Variants in ITIH5 observed in about 807,000 individuals in gnomAD.
ITIH5 encodes the protein inter-alpha-trypsin inhibitor heavy chain H5.
ITIH5 carries 65 observed loss-of-function variants against 77.5 expected under a neutral mutation model. The ratio of observed to expected loss-of-function variants is 0.84; its 90% confidence interval spans 0.69 to 1.03. The LOEUF is 1.03. Ranked by LOEUF, ITIH5 falls within the 50% of genes least tolerant of loss-of-function variation. The pLI is 0.00. For synonymous variants in ITIH5, 525 were observed against 494.3 expected (o/e 1.06, Z -0.82); for missense variants, 1,208 against 1,213.1 (o/e 1.00, Z 0.06).
intron 5 of ITIH5, chr10:7,619,659 C>T (rs561490363): frequency 1.7e-5 from 5 of 298,688 alleles, no homozygotes; most frequent in South Asian, 5.5e-5. Context: ...GTCTACAAGG[C>T]GGCAGGAGCG....
intron 5 of ITIH5, among the ~76,000 whole-genome samples, chr10:7,628,819 A>ATGTTGTAGCATGTGTCCC (rs1564269001): frequency 9.4e-6 from 1 of 106,282 alleles, no homozygotes; most frequent in African/African-American, 3.9e-5. Flanking sequence ...GCATGTGTCC[A>ATGTTGTAGCATGTGTCCC]TGTTGTAGCG....
chr10:7,585,943 T>C lies in ITIH5; in HGVS notation c.1066A>G (p.Arg356Gly), dbSNP rs769526128. The C allele has an allele frequency of 1.1e-5, 17 of 1,614,070 alleles. No homozygotes were observed. The South Asian group carries it at 1.9e-4, about 18-fold the overall frequency. Residue 356 changes from arginine (R) to glycine (G), a missense_variant, in exon 8 of 14, where the codon AGG becomes GGG. By Grantham distance (125) the Arg-to-Gly change is moderately radical (BLOSUM62 -2). Coordinates refer to ENST00000397146, the MANE Select transcript of ITIH5 (RefSeq NM_030569.7). ...HLISVTPDSI[R>G]DGKVYIHHMS... The stretch of plus-strand genomic sequence containing the variant: ...TGGTGAATGTACACTTTCCCATCCC[T>C]GATGCTGTCTGGAGTGACTGATATC...
intron 7 of ITIH5, among the ~76,000 whole-genome samples, chr10:7,592,191 A>G (rs1164494312): frequency 1.3e-5 from 2 of 152,090 alleles, no homozygotes; most frequent in Non-Finnish European, 2.9e-5. Flanking sequence ...TTATTATTGT[A>G]TATTTATTAT....
chr10:7,599,855 T>C (rs560792050), intron 7 of ITIH5, among the ~76,000 whole-genome samples: 13 of 151,854 alleles, frequency 8.6e-5, no homozygotes, highest in African/African-American at 3.1e-4. Flanking sequence ...GCAGGGAGAG[T>C]GACACTGTTC....
At chr10:7,583,467 G>A (rs113155167) in intron 8 of ITIH5, among the ~76,000 whole-genome samples, 1 of 152,100 alleles carries the variant, frequency 6.6e-6, no homozygotes, top group Admixed American at 6.6e-5. Context: ...CCAGTAGCTG[G>A]GACTACAGGC....
At chr10:7,592,064 T>C (rs181722459) in intron 7 of ITIH5, among the ~76,000 whole-genome samples, 2 of 152,110 alleles carry the variant, frequency 1.3e-5, no homozygotes, top group East Asian at 1.9e-4. Context: ...AGAGACAGGG[T>C]CTCACTATGT....
chr10:7,644,426 A>T (rs1588423700), intron 2 of ITIH5, among the ~76,000 whole-genome samples: 1 of 145,562 alleles, frequency 6.9e-6, no homozygotes, highest in East Asian at 2.0e-4. Flanking sequence ...TATATATCAC[A>T]TATATCATAT....
intron 5 of ITIH5, among the ~76,000 whole-genome samples, chr10:7,626,712 G>A (rs1204789195): frequency 2.6e-5 from 4 of 152,310 alleles, no homozygotes; most frequent in East Asian, 3.9e-4. Flanking sequence ...ATTTCCTAGT[G>A]CAAGCATGTC....
At chr10:7,577,617 T>C (rs1399852316) in intron 9 of ITIH5, among the ~76,000 whole-genome samples, 1 of 152,238 alleles carries the variant, frequency 6.6e-6, no homozygotes, top group Admixed American at 6.5e-5. Context: ...AGTTTGTGCG[T>C]ATAACATTTG....
intron 12 of ITIH5, among the ~76,000 whole-genome samples, chr10:7,567,585 G>T (rs188709524): frequency 1.3e-5 from 2 of 151,580 alleles, no homozygotes; most frequent in African/African-American, 4.8e-5. Context: ...GAGAACATGC[G>T]GTGTTTGGTT....
At chr10:7,575,116 C>T (rs1354936748) in intron 10 of ITIH5, among the ~76,000 whole-genome samples, 2 of 152,178 alleles carry the variant, frequency 1.3e-5, no homozygotes, top group Non-Finnish European at 2.9e-5. Flanking sequence ...TATCAGGGTC[C>T]GAACTTTTCA....
intron 5 of ITIH5, among the ~76,000 whole-genome samples, chr10:7,629,338 C>T (rs200048777): frequency 0.084 from 1,615 of 19,118 alleles, 99 homozygotes; most frequent in African/African-American, 0.17. Flanking sequence ...GTAGCGTGTG[C>T]CCATGTTGTA....
At chr10:7,580,479 G>GA (rs1832527796) in intron 8 of ITIH5, among the ~76,000 whole-genome samples, 1 of 152,164 alleles carries the variant, frequency 6.6e-6, no homozygotes, top group East Asian at 1.9e-4. Context: ...CAGGAGTGAG[G>GA]TGTTAAGGGG....
chr10:7,617,057 G>T (rs1300904106), intron 6 of ITIH5, 56 bp downstream of exon 6: 1 of 1,117,786 alleles, frequency 8.9e-7, no homozygotes. Flanking sequence ...TCCACAGTAT[G>T]AGTCTGTCCA....
chr10:7,621,574 C>T (rs889159553), intron 5 of ITIH5: 3 of 152,144 alleles, frequency 2.0e-5, no homozygotes, highest in Admixed American at 6.5e-5. Flanking sequence ...CCAACCACCA[C>T]CCAGGAAGAA....
chr10:7,612,719 A>G (rs1286872479), intron 7 of ITIH5, among the ~76,000 whole-genome samples: 1 of 151,702 alleles, frequency 6.6e-6, no homozygotes, highest in African/African-American at 2.4e-5. Context: ...GGTACCTAGG[A>G]ATTAAATGAG....
chr10:7,596,003 G>A (rs373309200), intron 7 of ITIH5, among the ~76,000 whole-genome samples: 10 of 152,288 alleles, frequency 6.6e-5, no homozygotes, highest in Non-Finnish European at 7.3e-5. Context: ...GCGAGACTCC[G>A]TCTAAATTAA....
intron 13 of ITIH5, among the ~76,000 whole-genome samples, chr10:7,564,750 T>G (rs1832105388): frequency 6.6e-6 from 1 of 151,810 alleles, no homozygotes; most frequent in South Asian, 2.1e-4. Context: ...ATATAATATG[T>G]ACATACATAC....
intron 8 of ITIH5, among the ~76,000 whole-genome samples, chr10:7,580,965 A>G (rs1455459401): frequency 6.6e-6 from 1 of 152,006 alleles, no homozygotes; most frequent in Admixed American, 6.6e-5. Flanking sequence ...AGCTCTGATT[A>G]AAGTTGGAGG....
Sources: allele counts gnomAD v4.1 joint callset (sites outside exome capture counted in the v4.1 genomes callset), GRCh38; gene constraint gnomAD v4.1.1; transcripts MANE v1.5; gene names NCBI Gene and HGNC (gene_info 2026-07-23, HGNC 2026-07-21).